Variants in SLC24A3 observed in about 807,000 individuals in gnomAD.
SLC24A3 encodes the protein sodium/potassium/calcium exchanger 3.
A neutral mutation model predicts 75.8 loss-of-function variants in SLC24A3; 28 were observed. The observed-to-expected ratio is 0.37, with a 90% CI of 0.27 to 0.51. The LOEUF is 0.51. Among genes scored for constraint, SLC24A3 ranks in the 20% least tolerant of loss-of-function variants. The probability of loss-of-function intolerance (pLI) is 0.94; values close to 1 mark genes in which losing one functional copy is unlikely to be tolerated. For missense variants in SLC24A3, 663 were observed against 847.8 expected (o/e 0.78, Z 2.71); for synonymous variants, 372 against 334.1 (o/e 1.11, Z -1.24).
intron 9 of SLC24A3, among the ~76,000 whole-genome samples, chr20:19,680,140 CTCTGTGTGTGTCTGTGTGTG>C (rs1168014248): frequency 6.9e-5 from 10 of 144,976 alleles, no homozygotes; most frequent in Non-Finnish European, 1.4e-4. Flanking sequence ...CTGTGTGTGT[CTCTGTGTGTGTCTGTGTGTG>C]TCTGTGTGTC....
At chr20:19,698,505 G>T in intron 14 of SLC24A3, 63 bp from the exon 15 acceptor site, 2 of 1,191,516 alleles carry the variant, frequency 1.7e-6, no homozygotes, top group South Asian at 2.6e-5. Flanking sequence ...AAAGGCTTGG[G>T]AGAGTCCTGT....
chr20:19,411,357 T>G (rs1474063354), intron 2 of SLC24A3, among the ~76,000 whole-genome samples: 1 of 152,242 alleles, frequency 6.6e-6, no homozygotes, highest in Non-Finnish European at 1.5e-5. Flanking sequence ...ACTTTATTTT[T>G]TCTAACACAA....
intron 3 of SLC24A3, among the ~76,000 whole-genome samples, chr20:19,537,836 C>A (rs1013144856): frequency 7.8e-5 from 11 of 140,210 alleles, no homozygotes; most frequent in Non-Finnish European, 1.3e-4. Context: ...AATGAGAACA[C>A]ATGGACACAG....
chr20:19,334,784 C>T (rs1985089194), intron 2 of SLC24A3, among the ~76,000 whole-genome samples: 2 of 152,218 alleles, frequency 1.3e-5, no homozygotes, highest in South Asian at 2.1e-4. Flanking sequence ...CGCTGGGGGG[C>T]TCATCTGCTG....
chr20:19,403,800 T>C (rs1247047096), intron 2 of SLC24A3, among the ~76,000 whole-genome samples: 2 of 152,162 alleles, frequency 1.3e-5, no homozygotes, highest in Non-Finnish European at 2.9e-5. Context: ...AAGAATGCAG[T>C]GTAGCTAGAA....
At chr20:19,595,850 G>C (rs765120668) in intron 6 of SLC24A3, among the ~76,000 whole-genome samples, 3 of 152,152 alleles carry the variant, frequency 2.0e-5, no homozygotes, top group African/African-American at 7.2e-5. Context: ...GGTGATCGGG[G>C]AAGTGTCTCA....
chr20:19,415,360 G>C (rs1002256147), intron 2 of SLC24A3, among the ~76,000 whole-genome samples: 1 of 152,138 alleles, frequency 6.6e-6, no homozygotes, highest in Non-Finnish European at 1.5e-5. Context: ...TGCAGTGCAC[G>C]GTGTGACCTG....
chr20:19,695,406 T>A (rs1052766090), intron 13 of SLC24A3: 1 of 152,246 alleles, frequency 6.6e-6, no homozygotes, highest in Non-Finnish European at 1.5e-5. Flanking sequence ...TGGGCCCACA[T>A]GCAGGGAATG....
At chr20:19,684,383 A>T (rs751667691) in intron 11 of SLC24A3, 47 bp downstream of exon 11, 1 of 1,567,756 alleles carries the variant, frequency 6.4e-7, no homozygotes, top group African/African-American at 1.4e-5. Flanking sequence ...GGGGTGGGAA[A>T]CTCTGGGAAG....
chr20:19,395,978 T>C (rs1386255399), intron 2 of SLC24A3, among the ~76,000 whole-genome samples: 3 of 152,102 alleles, frequency 2.0e-5, no homozygotes, highest in African/African-American at 7.2e-5. Flanking sequence ...AGATGGTTGG[T>C]TTGATTGATT....
intron 15 of SLC24A3, among the ~76,000 whole-genome samples, chr20:19,710,000 T>C (rs986718635): frequency 6.6e-6 from 1 of 152,214 alleles, no homozygotes; most frequent in African/African-American, 2.4e-5. Context: ...CTCATTTAAT[T>C]GTTCAAACAA....
At chr20:19,245,382 A>T (rs1460057403) in intron 1 of SLC24A3, among the ~76,000 whole-genome samples, 5 of 152,214 alleles carry the variant, frequency 3.3e-5, no homozygotes, top group Non-Finnish European at 5.9e-5. Flanking sequence ...TTATATAAAA[A>T]GATATTTTAA....
intron 2 of SLC24A3, among the ~76,000 whole-genome samples, chr20:19,434,306 G>A (rs1987157175): frequency 3.9e-5 from 6 of 152,316 alleles, no homozygotes; most frequent in Non-Finnish European, 1.5e-5. Flanking sequence ...TCACTCCGCA[G>A]CGAGGGCTTG....
rs760024054 is a variant in SLC24A3, at chr20:19,685,351, C to T, written c.1314C>T (p.Phe438=). The T allele has an allele frequency of 2.1e-5, 34 of 1,613,800 alleles. 1 individual carries two copies. Among genetic ancestry groups the T allele is most frequent in the Admixed American group, 3.3e-5 (2 of 59,998 alleles). Reference sequence around the variant, plus strand: ...ATGATGAAGGACCGTACACACCATTCGACACCCCCTGTAAGAGGTTCTATG... The same window carrying T: ...ATGATGAAGGACCGTACACACCATTTGACACCCCCTGTAAGAGGTTCTATG... The part of the protein sequence containing the change: ...EDDDEGPYTP[F]DTPSGKLETV... The change falls in exon 12 of 17, where the codon TTC becomes TTT. Residue 438 remains phenylalanine (F), a synonymous_variant. Transcript: ENST00000328041.
chr20:19,578,865 G>C (rs887030014), intron 3 of SLC24A3, among the ~76,000 whole-genome samples: 1 of 152,092 alleles, frequency 6.6e-6, no homozygotes, highest in African/African-American at 2.4e-5. Flanking sequence ...TTATCCGGGG[G>C]CTTAGGTTTT....
intron 6 of SLC24A3, among the ~76,000 whole-genome samples, chr20:19,624,407 T>TATTG (rs1232316987): frequency 6.6e-6 from 1 of 152,250 alleles, no homozygotes; most frequent in African/African-American, 2.4e-5. Flanking sequence ...ATGAGACAGC[T>TATTG]ATTGCTGTGT....
intron 2 of SLC24A3, 114 bp from the exon 3 acceptor site, chr20:19,515,374 G>C: frequency 1.0e-6 from 1 of 993,088 alleles, no homozygotes; most frequent in Non-Finnish European, 1.6e-6. Context: ...AAAGATTCAG[G>C]ATCTTTTTTT....
chr20:19,662,755 C>G (rs1218671975), intron 7 of SLC24A3, among the ~76,000 whole-genome samples: 1 of 152,236 alleles, frequency 6.6e-6, no homozygotes, highest in Non-Finnish European at 1.5e-5. Context: ...CAACACGTGT[C>G]TTAAATGTAT....
At chr20:19,461,487 T>C (rs903885949) in intron 2 of SLC24A3, among the ~76,000 whole-genome samples, 2 of 151,994 alleles carry the variant, frequency 1.3e-5, no homozygotes, top group Non-Finnish European at 2.9e-5. Context: ...GCACTTATTA[T>C]TCGCCAGATA....
Sources: allele counts gnomAD v4.1 joint callset (sites outside exome capture counted in the v4.1 genomes callset), GRCh38; gene constraint gnomAD v4.1.1; transcripts MANE v1.5; gene names NCBI Gene and HGNC (gene_info 2026-07-23, HGNC 2026-07-21).